SGCZ: variants seen among roughly 807,000 people sequenced by gnomAD.
The protein encoded by SGCZ is zeta-sarcoglycan.
A neutral mutation model predicts 41.3 loss-of-function variants in SGCZ; 40 were observed. The observed-to-expected ratio is 0.97, with a 90% confidence interval of 0.75 to 1.26. SGCZ has a LOEUF of 1.26. Ranked by LOEUF, SGCZ falls within the 50% of genes most tolerant of loss-of-function variation. The pLI, the probability that SGCZ is intolerant of heterozygous loss-of-function variation, is 0.00. For missense variants in SGCZ, 552 were observed against 369.8 expected (o/e 1.49, Z -4.04); for synonymous variants, 206 against 137.5 (o/e 1.50, Z -3.49).
chr8:14,628,302 A>T (rs991068457), intron 1 of SGCZ, among the ~76,000 whole-genome samples: 1 of 151,778 alleles, frequency 6.6e-6, no homozygotes, highest in Non-Finnish European at 1.5e-5. Context: ...CTTGAGTTTT[A>T]AAATTTTAAT....
At chr8:14,513,892 T>C (rs1411444259) in intron 2 of SGCZ, among the ~76,000 whole-genome samples, 1 of 152,084 alleles carries the variant, frequency 6.6e-6, no homozygotes, top group Non-Finnish European at 1.5e-5. Context: ...GGGGACAATG[T>C]GAACTAAACA....
At chr8:15,011,994 G>A (rs1802841032) in intron 1 of SGCZ, among the ~76,000 whole-genome samples, 2 of 152,048 alleles carry the variant, frequency 1.3e-5, no homozygotes, top group African/African-American at 2.4e-5. Flanking sequence ...TCTATTAGAA[G>A]GTCACATTTG....
chr8:15,134,136 C>G (rs1427284642), intron 1 of SGCZ, among the ~76,000 whole-genome samples: 1 of 152,058 alleles, frequency 6.6e-6, no homozygotes, highest in Non-Finnish European at 1.5e-5. Context: ...ATTTAAGCAT[C>G]CTTTAAAAAT....
intron 4 of SGCZ, among the ~76,000 whole-genome samples, chr8:14,204,022 G>T (rs1162762637): frequency 6.6e-6 from 1 of 151,962 alleles, no homozygotes; most frequent in Non-Finnish European, 1.5e-5. Context: ...ATAAATATAT[G>T]GAGAGGGGAG....
At chr8:14,549,256 C>A (rs1803726834) in intron 2 of SGCZ, among the ~76,000 whole-genome samples, 1 of 152,038 alleles carries the variant, frequency 6.6e-6, no homozygotes, top group South Asian at 2.1e-4. Flanking sequence ...ACTGTACTTT[C>A]ACTGAAAAAC....
intron 1 of SGCZ, among the ~76,000 whole-genome samples, chr8:14,940,352 C>T (rs1434456976): frequency 1.3e-5 from 2 of 151,962 alleles, no homozygotes; most frequent in African/African-American, 4.8e-5. Context: ...CTACAAAATG[C>T]CCTCAAATTT....
At position 14,092,195 on chromosome 8, in the gene SGCZ, G is replaced by C. The variant is rs562615675; in HGVS notation, c.745-1558C>G. On this transcript the variant is annotated intron_variant, in intron 7 of 7. Transcript: ENST00000382080. ...GGTCTATAGATCAGTTTTGGTACCA[G>C]GACTATGCTGTTTTGGTTACTGTAG... 2.0e-5 allele frequency among the ~76,000 whole-genome samples: 3 copies of C among 152,168 alleles called. No individual in the cohort carries two copies. The South Asian group carries it at 6.2e-4, about 32-fold the overall frequency.
At chr8:15,217,375 C>A (rs1272059785) in intron 1 of SGCZ, among the ~76,000 whole-genome samples, 2 of 150,188 alleles carry the variant, frequency 1.3e-5, no homozygotes, top group East Asian at 2.0e-4. Context: ...CGAGATTGCG[C>A]CACCGCACTC....
intron 3 of SGCZ, among the ~76,000 whole-genome samples, chr8:14,270,372 T>C (rs1800017453): frequency 6.6e-6 from 1 of 151,934 alleles, no homozygotes; most frequent in Non-Finnish European, 1.5e-5. Flanking sequence ...AAACGATATG[T>C]ACAAATTTTA....
At chr8:14,629,345 G>C (rs575239742) in intron 1 of SGCZ, among the ~76,000 whole-genome samples, 4 of 129,806 alleles carry the variant, frequency 3.1e-5, no homozygotes, top group East Asian at 3.3e-4. Flanking sequence ...TAGTAGGTAA[G>C]ATTAATGTAA....
At chr8:14,583,287 T>C (rs1804954331) in intron 1 of SGCZ, among the ~76,000 whole-genome samples, 1 of 151,940 alleles carries the variant, frequency 6.6e-6, no homozygotes, top group Non-Finnish European at 1.5e-5. Flanking sequence ...TCATGTGTTT[T>C]TTGGCTGCAT....
At position 14,577,545 on chromosome 8, in the gene SGCZ, G is replaced by T. The variant is rs1252519955; in HGVS notation, c.40-22619C>A. Reference sequence around the variant, plus strand: ...TGGGACTATAGGTGCATCTCAACATGCCTGGCTAACTTTTGTAGTTTTAGT... The same window carrying T: ...TGGGACTATAGGTGCATCTCAACATTCCTGGCTAACTTTTGTAGTTTTAGT... On this transcript the variant is annotated intron_variant, in intron 1 of 7. Coordinates refer to ENST00000382080, the MANE Select transcript of SGCZ (RefSeq NM_139167.4). Among the ~76,000 whole-genome samples, 4 of 151,970 alleles carry T rather than the reference G, an allele frequency of 2.6e-5. No homozygotes were observed. The East Asian group carries it at 5.8e-4, about 22-fold the overall frequency.
chr8:14,635,525 C>G (rs758331508), intron 1 of SGCZ, among the ~76,000 whole-genome samples: 14 of 151,972 alleles, frequency 9.2e-5, no homozygotes, highest in Non-Finnish European at 1.8e-4. Flanking sequence ...GAGAAATACA[C>G]TCTGAAAATA....
intron 1 of SGCZ, among the ~76,000 whole-genome samples, chr8:14,932,293 C>G (rs970192575): frequency 6.6e-6 from 1 of 151,856 alleles, no homozygotes; most frequent in African/African-American, 2.4e-5. Flanking sequence ...TATAAAACTT[C>G]TCGATTTCTT....
In SGCZ at chr8:14,394,153, T is replaced by TCCCC. The variant is rs1563300661; in HGVS notation, c.235-69950_235-69949insGGGG. Among the ~76,000 whole-genome samples the TCCCC allele has an allele frequency of 1.3e-3, 110 of 87,636 alleles. 1 individual carries two copies. The highest frequency in any genetic ancestry group is 6.0e-3 in the Middle Eastern group (1 of 168). The allele number at this position is 87,636 out of a possible 152,430, so 57.5% of individuals were successfully genotyped here. A position where few individuals can be genotyped will look rare whatever the true frequency, so the allele number is the denominator to read the frequency against. On this transcript the variant is annotated intron_variant, in intron 2 of 7. Coordinates refer to ENST00000382080, the MANE Select transcript of SGCZ (RefSeq NM_139167.4). Reference sequence around the variant, plus strand: ...CCTACCGCCCCCCACCTTTTTTTTTTTTTTTTTTTTTTTTTGAGATTTAGT... The same window carrying TCCCC: ...CCTACCGCCCCCCACCTTTTTTTTTTCCCCTTTTTTTTTTTTTTTGAGATTTAGT...
chr8:14,102,233 T>A, intron 7 of SGCZ, 143 bp downstream of exon 7: 4 of 942,872 alleles, frequency 4.2e-6, no homozygotes, highest in Non-Finnish European at 5.7e-6. Flanking sequence ...TATGGTAACC[T>A]AATATTACTT....
At chr8:14,375,107 T>G (rs573983950) in intron 2 of SGCZ, among the ~76,000 whole-genome samples, 3 of 145,858 alleles carry the variant, frequency 2.1e-5, no homozygotes, top group African/African-American at 7.6e-5. Context: ...ATCAGATAGA[T>G]AGATAGACAG....
chr8:14,335,322 G>T (rs1802471551), intron 2 of SGCZ, among the ~76,000 whole-genome samples: 1 of 151,990 alleles, frequency 6.6e-6, no homozygotes, highest in Non-Finnish European at 1.5e-5. Context: ...AATTTTAAAA[G>T]ACCCTATAAG....
At chr8:15,114,733 C>G (rs4142661) in intron 1 of SGCZ, among the ~76,000 whole-genome samples, 70,250 of 151,120 alleles carry the variant, frequency 0.46, 18,873 homozygotes, top group Admixed American at 0.62. Flanking sequence ...ATCCTGGAAT[C>G]GAGATACAAG....
Sources: gnomAD v4.1 joint callset for allele counts (sites outside exome capture counted in the v4.1 genomes callset) on GRCh38, gnomAD v4.1.1 for gene constraint, MANE v1.5 for transcripts, NCBI Gene and HGNC (gene_info 2026-07-23, HGNC 2026-07-21) for gene names.